The following CATSPERB variants were observed in gnomAD, a reference collection of about 807,000 sequenced individuals.
The protein encoded by CATSPERB is catsper channel auxiliary subunit beta.
CATSPERB carries 93 observed loss-of-function variants against 128.3 expected under a neutral mutation model. The observed-to-expected ratio is 0.72, with a 90% CI of 0.61 to 0.86. CATSPERB has a LOEUF of 0.86. Among genes scored for constraint, CATSPERB ranks in the 40% least tolerant of loss-of-function variants. The pLI is 0.00. For missense variants in CATSPERB, 1,153 were observed against 1,329.5 expected (o/e 0.87, Z 2.06); for synonymous variants, 381 against 448.8 (o/e 0.85, Z 1.91).
chr14:91,618,483 A>G (rs1893985643), intron 19 of CATSPERB, among the ~76,000 whole-genome samples: 1 of 152,214 alleles, frequency 6.6e-6, no homozygotes, highest in South Asian at 2.1e-4. Context: ...TCTCAGAGAA[A>G]TGTTTCCCTC....
At chr14:91,719,537 A>G in intron 4 of CATSPERB, 59 bp from the exon 5 acceptor site, 3 of 1,246,854 alleles carry the variant, frequency 2.4e-6, no homozygotes, top group Non-Finnish European at 3.5e-6. Flanking sequence ...AACACATCAC[A>G]TTCTATGCTA....
chr14:91,617,654 A>G lies in CATSPERB; in HGVS notation c.2343T>C (p.Phe781=). ...NLLEVTAEVT[F]DDTDSYVITI... is the part of the protein sequence containing the mutation. ...TTATTACATAACTGTCAGTATCATC[A>G]AAAGTCACTTCAGCTGTAACTTCCA... The change falls in exon 20 of 27, where the codon TTT becomes TTC. Residue 781 remains phenylalanine (F), a synonymous_variant. Coordinates refer to ENST00000256343, the MANE Select transcript of CATSPERB (RefSeq NM_024764.4). The G allele has an allele frequency of 6.2e-7, 1 of 1,602,218 alleles. No individual in the cohort carries two copies. The highest frequency in any genetic ancestry group is 8.5e-7 in the Non-Finnish European group (1 of 1,175,648).
At chr14:91,723,487 G>A (rs1896067328) in intron 3 of CATSPERB, among the ~76,000 whole-genome samples, 2 of 151,984 alleles carry the variant, frequency 1.3e-5, no homozygotes, top group South Asian at 4.2e-4. Flanking sequence ...GTTATTTTGT[G>A]TCTAAATAAA....
chr14:91,595,428 A>C (rs757797099), intron 22 of CATSPERB, among the ~76,000 whole-genome samples: 11 of 152,028 alleles, frequency 7.2e-5, no homozygotes, highest in Non-Finnish European at 1.5e-4. Flanking sequence ...CGGCCTCCCA[A>C]GGTGCTGGGA....
chr14:91,691,675 C>G, intron 9 of CATSPERB, 120 bp from the exon 10 acceptor site: 1 of 684,716 alleles, frequency 1.5e-6, no homozygotes, highest in East Asian at 2.7e-5. Context: ...AAAATTATAA[C>G]TAAATTATAT....
At position 91,669,186 on chromosome 14, in the gene CATSPERB, G is replaced by A. The variant is rs538814039; in HGVS notation, c.1287+628C>T. Among the ~76,000 whole-genome samples, 5 of 152,262 alleles carry A rather than the reference G, an allele frequency of 3.3e-5. No homozygotes were observed. In the South Asian group the frequency reaches 1.0e-3, roughly 32 times the overall value. On this transcript the variant is annotated intron_variant, in intron 14 of 26. Transcript: ENST00000256343. The stretch of plus-strand genomic sequence containing the variant: ...ATCATCTTTAAAATCTCTAAATTTT[G>A]CACATAATATAGATATTTGAGAAAC...
intron 26 of CATSPERB, among the ~76,000 whole-genome samples, chr14:91,586,482 G>T (rs1457353199): frequency 1.3e-5 from 2 of 150,474 alleles, no homozygotes; most frequent in Non-Finnish European, 2.9e-5. Context: ...TGCTGCAATG[G>T]CCACCCACCA....
At chr14:91,639,991 T>A (rs1422865336) in intron 15 of CATSPERB, among the ~76,000 whole-genome samples, 1 of 151,966 alleles carries the variant, frequency 6.6e-6, no homozygotes, top group Non-Finnish European at 1.5e-5. Flanking sequence ...GGATTTTAAA[T>A]CCATCTTTAG....
chr14:91,699,836 G>A (rs1014921242), intron 7 of CATSPERB, among the ~76,000 whole-genome samples: 1 of 151,934 alleles, frequency 6.6e-6, no homozygotes, highest in African/African-American at 2.4e-5. Context: ...GCCTCCCAAA[G>A]TCCTGGGATT....
intron 5 of CATSPERB, among the ~76,000 whole-genome samples, chr14:91,716,666 A>T (rs560342917): frequency 2.0e-5 from 3 of 152,108 alleles, no homozygotes; most frequent in Admixed American, 6.5e-5. Context: ...CTAAAAATTT[A>T]AAAAATATGT....
chr14:91,666,321 C>T (rs942668670), intron 14 of CATSPERB, among the ~76,000 whole-genome samples: 2 of 152,166 alleles, frequency 1.3e-5, no homozygotes, highest in Non-Finnish European at 2.9e-5. Context: ...AACTATGGAT[C>T]CCTGGATAGA....
At chr14:91,584,949 C>A (rs1378741428) in intron 26 of CATSPERB, among the ~76,000 whole-genome samples, 1 of 152,148 alleles carries the variant, frequency 6.6e-6, no homozygotes. Context: ...AAACTTACGT[C>A]TTCACCAAAC....
chr14:91,694,584 A>G (rs1895528743), intron 7 of CATSPERB, among the ~76,000 whole-genome samples: 1 of 152,108 alleles, frequency 6.6e-6, no homozygotes, highest in Non-Finnish European at 1.5e-5. Context: ...CTATTTCAGG[A>G]GTACAATTTT....
chr14:91,691,435 A>G, intron 10 of CATSPERB, 88 bp downstream of exon 10: 1 of 773,510 alleles, frequency 1.3e-6, no homozygotes. Context: ...AATAACTTAT[A>G]TTGTGAATTA....
chr14:91,580,934 A>C lies in CATSPERB; in HGVS notation c.3306T>G (p.Ser1102Arg), dbSNP rs1893195689. ...TATGAATCAGCTCACTGAGAGAGATACTTGAAAACTTCTCTTGGTTTCTTC... is the reference window on the plus strand; with the variant it reads ...TATGAATCAGCTCACTGAGAGAGATCCTTGAAAACTTCTCTTGGTTTCTTC... ...WIRRNQEKFS[S>R]ISLSELIHRS... The change falls in exon 27 of 27, where the codon AGT becomes AGG. Residue 1102 changes from serine (S) to arginine (R), a missense_variant. Physicochemically the swap from Ser to Arg is moderately radical, Grantham distance 110 (BLOSUM62 -1). Coordinates refer to ENST00000256343, the MANE Select transcript of CATSPERB (RefSeq NM_024764.4). 1 of 1,614,106 alleles carries C rather than the reference A, an allele frequency of 6.2e-7. No individual in the cohort carries two copies. Among genetic ancestry groups the C allele is most frequent in the African/African-American group, 1.3e-5 (1 of 74,950 alleles).
intron 26 of CATSPERB, among the ~76,000 whole-genome samples, chr14:91,585,221 G>C (rs1893277067): frequency 1.3e-5 from 2 of 151,924 alleles, no homozygotes; most frequent in Admixed American, 1.3e-4. Context: ...TTGCCATGTT[G>C]CTCAGTTGGT....
In CATSPERB at chr14:91,587,876, C is replaced by T. The variant is rs574395318; in HGVS notation, c.3057+102G>A. ...ATATACTTTAAAGATGTTATTCCCA[C>T]CATTCCTGGTTACCTATACTTTAGA... On this transcript the variant is annotated intron_variant, in intron 25 of 26. Transcript: ENST00000256343. 3.1e-3 allele frequency: 2,300 copies of T among 733,192 alleles called. 6 individuals are homozygous for T. The highest frequency in any genetic ancestry group is 4.1e-3 in the Non-Finnish European group (1,716 of 422,422). 45.4% of individuals were successfully genotyped at this position (733,192 alleles called of 1,614,324 possible). A position where few individuals can be genotyped will look rare whatever the true frequency, so the allele number is the denominator to read the frequency against.
chr14:91,671,945 G>A (rs1434055303), intron 13 of CATSPERB, among the ~76,000 whole-genome samples: 4 of 150,574 alleles, frequency 2.7e-5, no homozygotes, highest in South Asian at 2.1e-4. Context: ...GCGTGAACCC[G>A]GGAGGCGGAG....
chr14:91,729,463 A>C lies in CATSPERB; in HGVS notation c.17T>G (p.Ile6Arg). 6.5e-7 allele frequency: 1 copy of C among 1,529,312 alleles called. No homozygotes were observed. Among genetic ancestry groups the C allele is most frequent in the Non-Finnish European group, 9.0e-7 (1 of 1,112,624 alleles). The allele number at this position is 1,529,312 out of a possible 1,614,324, so 94.7% of individuals were successfully genotyped here. A position where few individuals can be genotyped will look rare whatever the true frequency, so the allele number is the denominator to read the frequency against. MESPLIYVSVLLLNIF... is the reference protein window; with the variant it reads MESPLRYVSVLLLNIF... ...GTTCAAAAGCAAAACTGAAACATATATAAGTGGCGATTCCATCTGTTGGAA... is the reference window on the plus strand; with the variant it reads ...GTTCAAAAGCAAAACTGAAACATATCTAAGTGGCGATTCCATCTGTTGGAA... The change falls in exon 2 of 27, where the codon ATA becomes AGA. Residue 6 changes from isoleucine to arginine, a missense_variant. Ile to Arg is a moderately conservative substitution (Grantham distance 97). Coordinates refer to ENST00000256343, the MANE Select transcript of CATSPERB (RefSeq NM_024764.4).
Sources: gnomAD v4.1 joint callset for allele counts (sites outside exome capture counted in the v4.1 genomes callset) on GRCh38, gnomAD v4.1.1 for gene constraint, MANE v1.5 for transcripts, NCBI Gene and HGNC (gene_info 2026-07-23, HGNC 2026-07-21) for gene names.